Variants in BST1 observed in about 807,000 individuals in gnomAD.
The protein encoded by BST1 is ADP-ribosyl cyclase/cyclic ADP-ribose hydrolase 2.
In BST1, 49 loss-of-function variants were observed where a neutral mutation model predicts 40.6. The ratio of observed to expected loss-of-function variants is 1.21; its 90% CI spans 0.96 to 1.53. The LOEUF (loss-of-function observed/expected upper bound fraction) is 1.53, where lower values mean the gene tolerates loss of function less well. Ranked by LOEUF, BST1 falls within the 40% of genes most tolerant of loss-of-function variation. The probability of loss-of-function intolerance (pLI) is 0.00; values close to 1 mark genes in which losing one functional copy is unlikely to be tolerated. For synonymous variants in BST1, 157 were observed against 159.3 expected, an observed-to-expected ratio of 0.99 and a Z score of 0.11; for missense variants, 423 against 395.9, an observed-to-expected ratio of 1.07 and a Z score of -0.58.
At chr4:15,705,192 C>T (rs79790263) in intron 1 of BST1, among the ~76,000 whole-genome samples, 4 of 151,878 alleles carry the variant, frequency 2.6e-5, no homozygotes, top group Non-Finnish European at 5.9e-5. Context: ...ACCGTTAGGT[C>T]TAAATGAAGA....
intron 8 of BST1, among the ~76,000 whole-genome samples, chr4:15,726,405 G>A (rs1282686748): frequency 1.3e-5 from 2 of 152,162 alleles, no homozygotes; most frequent in African/African-American, 4.8e-5. Flanking sequence ...TAAGAAGAAC[G>A]ATGTTCAAAG....
rs1345441831 is a variant in BST1, at chr4:15,731,881, T to A, written c.*36T>A. 6.3e-7 allele frequency: 1 copy of A among 1,594,018 alleles called. No homozygotes were observed. The highest frequency in any genetic ancestry group is 8.6e-7 in the Non-Finnish European group (1 of 1,169,552). On this transcript the variant is annotated 3_prime_UTR_variant, in exon 9 of 9. Coordinates refer to ENST00000265016, the MANE Select transcript of BST1 (RefSeq NM_004334.3). ...TGTTGCTCTAACCCTCCTCCAGCCC[T>A]GCAGCCTCCCCTTGCAGTCATCATT...
chr4:15,705,244 C>T (rs865865998), intron 1 of BST1, among the ~76,000 whole-genome samples: 3 of 151,872 alleles, frequency 2.0e-5, no homozygotes, highest in South Asian at 2.1e-4. Context: ...ACCTCCTGCT[C>T]GGTGCCATTT....
chr4:15,764,188 T>C, the BST1 span, among the ~76,000 whole-genome samples: 1 of 152,048 alleles, frequency 6.6e-6, no homozygotes, highest in East Asian at 1.9e-4. Flanking sequence ...TATTTTCTGC[T>C]GGATTTTGCT....
At chr4:15,740,610 G>A (rs956750055), downstream of BST1, among the ~76,000 whole-genome samples, 2 of 152,110 alleles carry the variant, frequency 1.3e-5, no homozygotes, top group African/African-American at 2.4e-5. Flanking sequence ...CTCAACTACT[G>A]AGTTTGTCTT....
At chr4:15,739,424 T>C (rs1301093041), downstream of BST1, among the ~76,000 whole-genome samples, 2 of 152,226 alleles carry the variant, frequency 1.3e-5, no homozygotes, top group African/African-American at 4.8e-5. Context: ...CATGTATTCT[T>C]TGTTACGTGA....
chr4:15,723,301 C>T (rs753818830), intron 8 of BST1: 17 of 172,554 alleles, frequency 9.9e-5, no homozygotes, highest in Non-Finnish European at 1.6e-4. Context: ...GGCTGGAGTG[C>T]AGTGGCGCAA....
the BST1 span, among the ~76,000 whole-genome samples, chr4:15,744,613 C>T: frequency 2.0e-5 from 3 of 152,210 alleles, no homozygotes; most frequent in African/African-American, 7.2e-5. Flanking sequence ...AAAGAAAGTT[C>T]AACAATAAGC....
At chr4:15,713,360 A>G (rs1310642256) in intron 4 of BST1, among the ~76,000 whole-genome samples, 1 of 150,666 alleles carries the variant, frequency 6.6e-6, no homozygotes, top group African/African-American at 2.4e-5. Context: ...TAATTTTTGT[A>G]TTTTCAGTAG....
chr4:15,707,878 C>CATAT (rs5856312), intron 3 of BST1, among the ~76,000 whole-genome samples: 7 of 138,152 alleles, frequency 5.1e-5, no homozygotes, highest in South Asian at 2.3e-4. Context: ...TATATATACA[C>CATAT]ATATATATAC....
chr4:15,739,554 C>CATGTGT (rs544087256), downstream of BST1, among the ~76,000 whole-genome samples: 2 of 143,942 alleles, frequency 1.4e-5, no homozygotes, highest in Non-Finnish European at 3.0e-5. Context: ...GAAGCCAAAC[C>CATGTGT]GTGTGTGTGT....
intron 6 of BST1, among the ~76,000 whole-genome samples, chr4:15,716,726 A>G (rs1448269269): frequency 6.6e-6 from 1 of 152,188 alleles, no homozygotes; most frequent in Non-Finnish European, 1.5e-5. Context: ...TGCATGCATG[A>G]AAAACGTGTA....
chr4:15,713,635 C>T (rs1358186637), intron 4 of BST1, among the ~76,000 whole-genome samples: 1 of 152,134 alleles, frequency 6.6e-6, no homozygotes, highest in African/African-American at 2.4e-5. Flanking sequence ...ACCAGGCAGG[C>T]TGGCTTGAGA....
the BST1 span, among the ~76,000 whole-genome samples, chr4:15,761,030 TTTTTGTTTTG>T: frequency 4.9e-3 from 751 of 151,772 alleles, 9 homozygotes; most frequent in African/African-American, 0.016. Context: ...GCATATAGTT[TTTTTGTTTTG>T]TTTTGTTTTG....
At chr4:15,770,355 C>T in the BST1 span, among the ~76,000 whole-genome samples, 4 of 152,022 alleles carry the variant, frequency 2.6e-5, no homozygotes, top group Non-Finnish European at 4.4e-5. Flanking sequence ...TTTTGCAAAC[C>T]TTGCTTGCCC....
At chr4:15,725,368 C>T (rs1053509051) in intron 8 of BST1, among the ~76,000 whole-genome samples, 1 of 152,108 alleles carries the variant, frequency 6.6e-6, no homozygotes, top group African/African-American at 2.4e-5. Context: ...TCCCAGGGTT[C>T]GGTGATGGAT....
chr4:15,705,709 C>T, intron 2 of BST1, 68 bp downstream of exon 2: 1 of 1,573,156 alleles, frequency 6.4e-7, no homozygotes, highest in Non-Finnish European at 8.7e-7. Flanking sequence ...GTGCATGGGC[C>T]AGGTTGACAT....
chr4:15,728,856 G>A (rs1488227869), intron 8 of BST1, among the ~76,000 whole-genome samples: 1 of 151,936 alleles, frequency 6.6e-6, no homozygotes, highest in Non-Finnish European at 1.5e-5. Context: ...ATGTTGGCCA[G>A]GCTGGTCTCA....
At chr4:15,765,341 T>C in the BST1 span, among the ~76,000 whole-genome samples, 1 of 151,978 alleles carries the variant, frequency 6.6e-6, no homozygotes, top group Non-Finnish European at 1.5e-5. Context: ...ATATTCAGAA[T>C]TTAATTGCAT....
Sources: gnomAD v4.1 joint callset for allele counts (sites outside exome capture counted in the v4.1 genomes callset) on GRCh38, gnomAD v4.1.1 for gene constraint, MANE v1.5 for transcripts, NCBI Gene and HGNC (gene_info 2026-07-23, HGNC 2026-07-21) for gene names.